Variants in KAT7 observed in about 807,000 individuals in gnomAD.
KAT7 encodes the protein histone acetyltransferase KAT7.
KAT7 carries 10 observed loss-of-function variants against 82.1 expected under a neutral mutation model. That is an observed-to-expected ratio of 0.12 (90% CI 0.08 to 0.21). KAT7 has a LOEUF of 0.21. Ranked by LOEUF, KAT7 falls within the 10% of genes least tolerant of loss-of-function variation. The probability of loss-of-function intolerance (pLI) is 1.00; values close to 1 mark genes in which losing one functional copy is unlikely to be tolerated. For synonymous variants in KAT7, 250 were observed against 262.5 expected (o/e 0.95, Z 0.46); for missense variants, 378 against 760.9 (o/e 0.50, Z 5.92).
chr17:49,821,778 A>G lies in KAT7; in HGVS notation c.1374A>G (p.Gly458=), dbSNP rs2074306463. The G allele has an allele frequency of 1.9e-6, 3 of 1,613,932 alleles. No individual in the cohort carries two copies. The highest frequency in any genetic ancestry group is 2.2e-5 in the South Asian group (2 of 91,086). ...ACAACACTGGCTGTCACCTGATTGG[A>G]TATTTTTCTAAGGTAAGCAGGATCT... ...EADNTGCHLI[G]YFSKEKNSFL... The change falls in exon 11 of 15, where the codon GGA becomes GGG. Residue 458 remains glycine (G), a synonymous_variant. Coordinates refer to ENST00000259021, the MANE Select transcript of KAT7 (RefSeq NM_007067.5).
chr17:49,790,581 C>T (rs1189236843), intron 1 of KAT7, among the ~76,000 whole-genome samples: 1 of 152,162 alleles, frequency 6.6e-6, no homozygotes, highest in East Asian at 1.9e-4. Flanking sequence ...CTTAATTTCC[C>T]AAATACCGGG....
At chr17:49,806,325 G>A (rs1172882552) in intron 5 of KAT7, among the ~76,000 whole-genome samples, 1 of 152,196 alleles carries the variant, frequency 6.6e-6, no homozygotes, top group Non-Finnish European at 1.5e-5. Flanking sequence ...AGGGGTGAAA[G>A]TTTCTTTTGT....
At chr17:49,809,042 T>C in intron 5 of KAT7, 77 bp from the exon 6 acceptor site, 1 of 1,100,798 alleles carries the variant, frequency 9.1e-7, no homozygotes. Flanking sequence ...TCCAAGGCAT[T>C]ATCATTGTAT....
chr17:49,801,004 C>T (rs1050445152), intron 4 of KAT7, among the ~76,000 whole-genome samples: 7 of 152,038 alleles, frequency 4.6e-5, no homozygotes, highest in Non-Finnish European at 1.0e-4. Flanking sequence ...GAATAGTTAA[C>T]CAGTTTGAGG....
chr17:49,825,490 A>G (rs1162726758), intron 12 of KAT7, among the ~76,000 whole-genome samples: 2 of 152,178 alleles, frequency 1.3e-5, no homozygotes, highest in African/African-American at 2.4e-5. Flanking sequence ...CTTATCTGCC[A>G]TTTCACTTTC....
At chr17:49,797,209 G>A (rs1035632489) in intron 3 of KAT7, among the ~76,000 whole-genome samples, 4 of 151,988 alleles carry the variant, frequency 2.6e-5, no homozygotes, top group Admixed American at 1.3e-4. Context: ...GACTACAGGC[G>A]CCTGCCACCA....
intron 7 of KAT7, among the ~76,000 whole-genome samples, chr17:49,814,760 G>A (rs763157143): frequency 8.6e-5 from 13 of 151,750 alleles, no homozygotes; most frequent in South Asian, 2.1e-4. Context: ...TAACTAATGC[G>A]TAGAACCCAA....
intron 3 of KAT7, among the ~76,000 whole-genome samples, chr17:49,797,220 C>T (rs568756653): frequency 1.2e-3 from 182 of 152,196 alleles, no homozygotes; most frequent in African/African-American, 4.3e-3. Context: ...CCTGCCACCA[C>T]GCCAGGCTAA....
chr17:49,818,064 A>T, intron 9 of KAT7, 53 bp downstream of exon 9: 2 of 1,476,526 alleles, frequency 1.4e-6, no homozygotes, highest in Non-Finnish European at 1.9e-6. Context: ...AAGCTGTAGG[A>T]TCTCTAGATT....
intron 3 of KAT7, among the ~76,000 whole-genome samples, chr17:49,797,491 A>C (rs1274611868): frequency 1.3e-5 from 2 of 152,202 alleles, no homozygotes; most frequent in Non-Finnish European, 2.9e-5. Context: ...ACATTTGAAA[A>C]GGGCTTGAAG....
Position 49,827,420 on chromosome 17 carries a change from T to C in KAT7, c.1754T>C (p.Ile585Thr). ...CCTCAGGACCTGATTGATGAGTGGA[T>C]AGCCAAAGAGGCCAAAAGGTCCAAC... is the stretch of plus-strand genomic sequence containing the variant. ...LKRQDLIDEW[I>T]AKEAKRSNSN... is the part of the protein sequence containing the mutation. The change falls in exon 15 of 15, where the codon ATA becomes ACA. Residue 585 changes from isoleucine to threonine, a missense_variant. Ile to Thr is a moderately conservative substitution (Grantham distance 89). Coordinates refer to ENST00000259021, the MANE Select transcript of KAT7 (RefSeq NM_007067.5). 2 of 1,612,224 alleles carry C rather than the reference T, an allele frequency of 1.2e-6. No homozygotes were observed. The highest frequency in any genetic ancestry group is 8.5e-7 in the Non-Finnish European group (1 of 1,178,270).
At chr17:49,819,885 T>C (rs1026778970) in intron 9 of KAT7, among the ~76,000 whole-genome samples, 15 of 152,222 alleles carry the variant, frequency 9.9e-5, no homozygotes, top group Non-Finnish European at 2.2e-4. Context: ...TTAATAAATA[T>C]TTGGATTTAC....
chr17:49,798,552 T>G lies in KAT7; in HGVS notation c.574T>G (p.Ser192Ala). Residue 192 changes from serine to alanine, a missense_variant, in exon 4 of 15, where the codon TCT (serine) becomes GCT (alanine). Around this residue, in one of 6 missense-constraint regions of KAT7, gnomAD observed 14 missense variants for 58.2 expected, o/e 0.24. Transcript: ENST00000259021. ...NMKCPTPGCN[S>A]LGHLTGKHER... ...GAAGTGTCCTACACCAGGCTGTAACTCTCTAGGTCAGTGTGCCCTAGCTTC... is the reference window on the plus strand; with the variant it reads ...GAAGTGTCCTACACCAGGCTGTAACGCTCTAGGTCAGTGTGCCCTAGCTTC... 1 of 1,602,594 alleles carries G rather than the reference T, an allele frequency of 6.2e-7. No individual in the cohort carries two copies.
At position 49,795,648 on chromosome 17, in the gene KAT7, T is replaced by G. The variant is rs930444154; in HGVS notation, c.164-1102T>G. 1.2e-5 allele frequency: 3 copies of G among 246,198 alleles called. No individual in the cohort carries two copies. In the South Asian group the frequency reaches 2.1e-4, roughly 17 times the overall value. 15.3% of individuals were successfully genotyped at this position (246,198 alleles called of 1,614,324 possible). ...AGAAAAGGGACAAAAAGAACAAAAG[T>G]AAGAAGACCAAAGCAGCAGCACAGT... On this transcript the variant is annotated intron_variant, in intron 2 of 14. Coordinates refer to ENST00000259021, the MANE Select transcript of KAT7 (RefSeq NM_007067.5).
chr17:49,797,660 C>T (rs1358532000), intron 3 of KAT7, among the ~76,000 whole-genome samples: 1 of 152,196 alleles, frequency 6.6e-6, no homozygotes, highest in Non-Finnish European at 1.5e-5. Flanking sequence ...TATTTGAAAA[C>T]ACAATGATTT....
intron 4 of KAT7, among the ~76,000 whole-genome samples, chr17:49,803,833 T>A (rs2074056453): frequency 6.6e-6 from 1 of 152,096 alleles, no homozygotes; most frequent in African/African-American, 2.4e-5. Context: ...GTTTATTCTA[T>A]AAATTATGTT....
At chr17:49,789,669 C>T (rs2073859809) in intron 1 of KAT7, 1 of 152,128 alleles carries the variant, frequency 6.6e-6, no homozygotes, top group Non-Finnish European at 1.5e-5. Context: ...CAACAAATGT[C>T]TATTGACTAC....
chr17:49,827,242 G>A, intron 14 of KAT7, 159 bp from the exon 15 acceptor site: 1 of 599,200 alleles, frequency 1.7e-6, no homozygotes, highest in South Asian at 2.2e-5. Context: ...GGATTAGATA[G>A]GAAAGCAGTT....
chr17:49,803,584 C>T (rs569895630), intron 4 of KAT7, among the ~76,000 whole-genome samples: 1 of 152,044 alleles, frequency 6.6e-6, no homozygotes, highest in East Asian at 1.9e-4. Context: ...GCCACCACAC[C>T]CGGCTAATTT....
Sources: gnomAD v4.1 joint callset for allele counts (sites outside exome capture counted in the v4.1 genomes callset) on GRCh38, gnomAD v4.1.1 for gene constraint, gnomAD v4.1.1 regional missense constraint, MANE v1.5 for transcripts, NCBI Gene and HGNC (gene_info 2026-07-23, HGNC 2026-07-21) for gene names.